NUBPL: variants seen among roughly 807,000 people sequenced by gnomAD.
NUBPL encodes the protein NUBP iron-sulfur cluster assembly factor, mitochondrial.
Under a neutral mutation model 45.7 loss-of-function variants are expected in NUBPL, and 31 were observed. That is an observed-to-expected ratio of 0.68 (90% confidence interval 0.51 to 0.92). NUBPL has a LOEUF of 0.92. NUBPL is among the 40% of genes least tolerant of loss of function. The probability of loss-of-function intolerance (pLI) is 0.00; values close to 1 mark genes in which losing one functional copy is unlikely to be tolerated. For synonymous variants in NUBPL, 144 were observed against 140.9 expected (o/e 1.02, Z -0.15); for missense variants, 401 against 398.7 (o/e 1.01, Z -0.05).
chr14:31,756,082 A>T (rs1005207544), intron 6 of NUBPL, among the ~76,000 whole-genome samples: 1 of 151,930 alleles, frequency 6.6e-6, no homozygotes, highest in African/African-American at 2.4e-5. Context: ...TACCAGTACC[A>T]TGCTGTTTTG....
rs2034247368 is a variant in NUBPL, at chr14:31,595,063, A to G, written c.292-4226A>G. 2.6e-5 allele frequency among the ~76,000 whole-genome samples: 4 copies of G among 152,384 alleles called. No individual in the cohort carries two copies. In the South Asian group the frequency reaches 8.3e-4, roughly 32 times the overall value. On this transcript the variant is annotated intron_variant, in intron 3 of 10. Coordinates refer to ENST00000281081, the MANE Select transcript of NUBPL (RefSeq NM_025152.3). ...CTTATTTAGTATAAATTGCATTGGA[A>G]GAACAAAGCAGTATCAAAACTGTGG... is the stretch of plus-strand genomic sequence containing the variant.
At chr14:31,755,982 C>CA in intron 6 of NUBPL, among the ~76,000 whole-genome samples, 1 of 152,224 alleles carries the variant, frequency 6.6e-6, no homozygotes, top group Non-Finnish European at 1.5e-5. Context: ...TTATTTTTCT[C>CA]AGGTTTGTCA....
intron 8 of NUBPL, among the ~76,000 whole-genome samples, chr14:31,835,715 C>T (rs933176346): frequency 1.3e-5 from 2 of 151,122 alleles, no homozygotes; most frequent in South Asian, 4.1e-4. Context: ...ATTGTTCTTT[C>T]CATGTCAAAT....
intron 6 of NUBPL, among the ~76,000 whole-genome samples, chr14:31,784,838 G>T (rs1038798012): frequency 2.6e-5 from 4 of 152,188 alleles, no homozygotes; most frequent in African/African-American, 4.8e-5. Context: ...AGATACTGAG[G>T]AATGTTTTGA....
At chr14:31,808,117 G>C (rs1449374484) in intron 7 of NUBPL, among the ~76,000 whole-genome samples, 3 of 152,082 alleles carry the variant, frequency 2.0e-5, no homozygotes, top group African/African-American at 7.2e-5. Flanking sequence ...CTCTTTTTTG[G>C]TTTCATATGA....
chr14:31,845,961 G>C (rs1182905405), intron 8 of NUBPL: 1 of 162,046 alleles, frequency 6.2e-6, no homozygotes, highest in African/African-American at 2.4e-5. Context: ...GTGGTTTCCT[G>C]TTGTCTGAAG....
chr14:31,783,234 G>T (rs2039225017), intron 6 of NUBPL, among the ~76,000 whole-genome samples: 1 of 152,106 alleles, frequency 6.6e-6, no homozygotes, highest in Admixed American at 6.6e-5. Flanking sequence ...GATCTGATTG[G>T]ATCCTGCCAT....
chr14:31,792,788 TGTTAAA>T (rs1443484913), intron 7 of NUBPL, among the ~76,000 whole-genome samples: 2 of 152,182 alleles, frequency 1.3e-5, no homozygotes, highest in African/African-American at 4.8e-5. Context: ...TCTATGTGTG[TGTTAAA>T]GCCTTAGTTC....
intron 1 of NUBPL, 29 bp downstream of exon 1, chr14:31,561,576 C>A: frequency 7.7e-7 from 1 of 1,306,766 alleles, no homozygotes; most frequent in Non-Finnish European, 9.9e-7. Context: ...CAGGGGGAAG[C>A]GGGCTGACAG....
At chr14:31,739,332 G>A (rs1379137923) in intron 6 of NUBPL, among the ~76,000 whole-genome samples, 14 of 150,530 alleles carry the variant, frequency 9.3e-5, no homozygotes, top group African/African-American at 3.2e-4. Context: ...TGATCCGTCC[G>A]CCTTGGCCTC....
rs1429073843 is a variant in NUBPL at position 31,641,580 on chromosome 14, A to T, written c.383-31775A>T. Among the ~76,000 whole-genome samples the T allele has an allele frequency of 3.3e-5, 5 of 152,210 alleles. No homozygotes were observed. The East Asian group carries it at 9.7e-4, about 29-fold the overall frequency. ...TAATATTTTGTTTATCCATATGCCT[A>T]TTGAGGAGTACTTAGGTTTATTCCA... On this transcript the variant is annotated intron_variant, in intron 4 of 10. Coordinates refer to ENST00000281081, the MANE Select transcript of NUBPL (RefSeq NM_025152.3).
chr14:31,834,569 C>CCTTTA (rs1268705284), intron 8 of NUBPL, among the ~76,000 whole-genome samples: 2 of 152,128 alleles, frequency 1.3e-5, no homozygotes, highest in African/African-American at 2.4e-5. Context: ...CTTTATGAGA[C>CCTTTA]TGGATAGCAT....
At chr14:31,758,403 G>A (rs2038722425) in intron 6 of NUBPL, among the ~76,000 whole-genome samples, 2 of 152,200 alleles carry the variant, frequency 1.3e-5, no homozygotes, top group Non-Finnish European at 2.9e-5. Flanking sequence ...AAAGGCTCAT[G>A]TGTGGGAAAA....
At chr14:31,711,848 G>T (rs970371286) in intron 6 of NUBPL, among the ~76,000 whole-genome samples, 9 of 152,040 alleles carry the variant, frequency 5.9e-5, no homozygotes, top group Admixed American at 2.6e-4. Flanking sequence ...TTCGCGGTGG[G>T]TGTTACAGTT....
intron 4 of NUBPL, among the ~76,000 whole-genome samples, chr14:31,664,145 A>G (rs1412105639): frequency 2.0e-5 from 3 of 152,122 alleles, no homozygotes; most frequent in Non-Finnish European, 4.4e-5. Flanking sequence ...GGACTCAGAC[A>G]ATGGGGGTTT....
chr14:31,622,921 C>T (rs2035104748), intron 4 of NUBPL, among the ~76,000 whole-genome samples: 1 of 152,204 alleles, frequency 6.6e-6, no homozygotes. Flanking sequence ...GGCTACTGTC[C>T]TTCAGACCCC....
intron 6 of NUBPL, among the ~76,000 whole-genome samples, chr14:31,767,903 T>C (rs571452604): frequency 6.6e-6 from 1 of 152,296 alleles, no homozygotes; most frequent in South Asian, 2.1e-4. Flanking sequence ...TTTACATACA[T>C]GTTCCAGATC....
intron 7 of NUBPL, among the ~76,000 whole-genome samples, chr14:31,802,724 T>C (rs2039616800): frequency 6.6e-6 from 1 of 152,180 alleles, no homozygotes; most frequent in African/African-American, 2.4e-5. Context: ...AGATATTGTG[T>C]TATGGCAAAA....
At chr14:31,643,282 A>C (rs1595422614) in intron 4 of NUBPL, among the ~76,000 whole-genome samples, 1 of 152,014 alleles carries the variant, frequency 6.6e-6, no homozygotes, top group Non-Finnish European at 1.5e-5. Context: ...ACGTGATGTT[A>C]GCTGTGGGTT....
Sources: gnomAD v4.1 joint callset for allele counts (sites outside exome capture counted in the v4.1 genomes callset) on GRCh38, gnomAD v4.1.1 for gene constraint, MANE v1.5 for transcripts, NCBI Gene and HGNC (gene_info 2026-07-23, HGNC 2026-07-21) for gene names.